The following TAF1B variants were observed in gnomAD, a reference collection of about 807,000 sequenced individuals.
The protein encoded by TAF1B is TATA-box binding protein associated factor, RNA polymerase I subunit B.
A neutral mutation model predicts 83.9 loss-of-function variants in TAF1B; 61 were observed. The observed-to-expected ratio is 0.73, with a 90% CI of 0.59 to 0.90. The LOEUF (loss-of-function observed/expected upper bound fraction) is 0.90, where lower values mean the gene tolerates loss of function less well. TAF1B is among the 40% of genes least tolerant of loss of function. The probability of loss-of-function intolerance (pLI) is 0.00; values close to 1 mark genes in which losing one functional copy is unlikely to be tolerated. For synonymous variants in TAF1B, 221 were observed against 224.6 expected, an observed-to-expected ratio of 0.98 and a Z score of 0.14; for missense variants, 625 against 677.0, an observed-to-expected ratio of 0.92 and a Z score of 0.85.
At chr2:9,867,909 C>A (rs1046587541) in intron 5 of TAF1B, among the ~76,000 whole-genome samples, 1 of 152,066 alleles carries the variant, frequency 6.6e-6, no homozygotes, top group African/African-American at 2.4e-5. Flanking sequence ...AACAAAGATA[C>A]AAAGCAAAAA....
chr2:9,862,500 A>G (rs1663808012), intron 5 of TAF1B, among the ~76,000 whole-genome samples: 1 of 152,256 alleles, frequency 6.6e-6, no homozygotes. Context: ...GGAGAATCGA[A>G]CCAAGTTGGA....
At chr2:9,910,089 T>C (rs563874603) in intron 9 of TAF1B, among the ~76,000 whole-genome samples, 1 of 152,350 alleles carries the variant, frequency 6.6e-6, no homozygotes, top group African/African-American at 2.4e-5. Context: ...TTGTTTAGTT[T>C]TCAAAGTCTA....
chr2:9,859,885 C>T (rs1420424039), intron 5 of TAF1B, among the ~76,000 whole-genome samples: 26 of 152,110 alleles, frequency 1.7e-4, no homozygotes, highest in Admixed American at 1.6e-3. Flanking sequence ...TAGTTTGTTT[C>T]CACACTACTA....
At chr2:9,860,210 G>A (rs1198036407) in intron 5 of TAF1B, among the ~76,000 whole-genome samples, 2 of 152,138 alleles carry the variant, frequency 1.3e-5, no homozygotes, top group Non-Finnish European at 2.9e-5. Context: ...GATTTGGGTG[G>A]GGACACAGAG....
intron 8 of TAF1B, among the ~76,000 whole-genome samples, chr2:9,899,972 T>C (rs111666110): frequency 5.3e-5 from 8 of 152,312 alleles, no homozygotes; most frequent in African/African-American, 1.9e-4. Context: ...GATATGTGTA[T>C]CTAACATAAA....
At chr2:9,870,433 G>A (rs766655577) in intron 6 of TAF1B, among the ~76,000 whole-genome samples, 7 of 152,100 alleles carry the variant, frequency 4.6e-5, no homozygotes, top group African/African-American at 1.2e-4. Flanking sequence ...GCTGTAGTGC[G>A]CTGTGATCAT....
At chr2:9,901,597 T>C (rs911101273) in intron 8 of TAF1B, among the ~76,000 whole-genome samples, 10 of 152,182 alleles carry the variant, frequency 6.6e-5, no homozygotes, top group African/African-American at 2.4e-4. Context: ...TCTAGTGTTT[T>C]GTTTGCAGAT....
intron 12 of TAF1B, among the ~76,000 whole-genome samples, chr2:9,915,402 G>A (rs140394145): frequency 8.5e-5 from 13 of 152,194 alleles, no homozygotes; most frequent in African/African-American, 2.6e-4. Flanking sequence ...TCACATATCC[G>A]TTTAAAGATT....
chr2:9,919,143 T>C, intron 13 of TAF1B, 32 bp downstream of exon 13: 1 of 1,548,704 alleles, frequency 6.5e-7, no homozygotes, highest in East Asian at 2.2e-5. Flanking sequence ...TAATACCAAG[T>C]AGCAACACAG....
At chr2:9,858,864 A>C (rs182791844) in intron 5 of TAF1B, among the ~76,000 whole-genome samples, 1 of 152,026 alleles carries the variant, frequency 6.6e-6, no homozygotes, top group African/African-American at 2.4e-5. Context: ...GGCCCGTAAA[A>C]CCATTTTTCC....
intron 11 of TAF1B, among the ~76,000 whole-genome samples, chr2:9,912,843 G>A (rs1038707640): frequency 6.6e-6 from 1 of 152,210 alleles, no homozygotes; most frequent in African/African-American, 2.4e-5. Context: ...CTCTTCTGTG[G>A]CTGTATGGTC....
intron 8 of TAF1B, 128 bp from the exon 9 acceptor site, chr2:9,904,731 C>T: frequency 2.2e-6 from 2 of 903,910 alleles, no homozygotes; most frequent in Admixed American, 2.8e-5. Flanking sequence ...GTTCCTTTTT[C>T]TGCACAACTT....
At chr2:9,900,920 A>C (rs2125166875) in intron 8 of TAF1B, among the ~76,000 whole-genome samples, 1 of 152,308 alleles carries the variant, frequency 6.6e-6, no homozygotes, top group East Asian at 1.9e-4. Context: ...AATGTTATAA[A>C]TATGGATGTG....
intron 14 of TAF1B, among the ~76,000 whole-genome samples, chr2:9,932,790 A>G (rs1421682035): frequency 2.0e-5 from 3 of 151,328 alleles, no homozygotes; most frequent in Non-Finnish European, 3.0e-5. Context: ...TGTAGTTTAC[A>G]GAGGCAGCAG....
chr2:9,931,522 T>G (rs1209047208), intron 14 of TAF1B, among the ~76,000 whole-genome samples: 4 of 152,232 alleles, frequency 2.6e-5, no homozygotes, highest in African/African-American at 9.6e-5. Context: ...TTGTAGAGTT[T>G]CTGCCGAGAG....
At chr2:9,894,502 AAGTT>A (rs1664960758) in intron 8 of TAF1B, among the ~76,000 whole-genome samples, 2 of 152,220 alleles carry the variant, frequency 1.3e-5, no homozygotes, top group African/African-American at 4.8e-5. Context: ...TCATATGAAA[AAGTT>A]AGCAGTTCAT....
At chr2:9,931,138 C>A (rs1284390593) in intron 14 of TAF1B, among the ~76,000 whole-genome samples, 6 of 152,118 alleles carry the variant, frequency 3.9e-5, no homozygotes, top group Admixed American at 3.9e-4. Context: ...CAGTCTGTGT[C>A]TTTTAATTGG....
In TAF1B at chr2:9,849,441, T is replaced by TAAA; in HGVS notation, c.195_197dup (p.Lys65dup). On this transcript the variant is annotated inframe_insertion, in exon 3 of 15. Transcript: ENST00000263663. ...AAATAAAAGCCCTCAACCGGGGGCT[T>TAAA]AAAAAAAAAAACAATACTGGTAAGT... 3 of 1,230,572 alleles carry TAAA rather than the reference T, an allele frequency of 2.4e-6. No individual in the cohort carries two copies. The highest frequency in any genetic ancestry group is 3.0e-5 in the East Asian group (1 of 33,690). 76.2% of individuals were successfully genotyped at this position (1,230,572 alleles called of 1,614,324 possible).
chr2:9,851,769 TGC>T, intron 4 of TAF1B, 131 bp downstream of exon 4: 1 of 763,646 alleles, frequency 1.3e-6, no homozygotes, highest in Non-Finnish European at 2.1e-6. Flanking sequence ...CTGATGTTTT[TGC>T]TTTAATCCTT....
Sources: allele counts gnomAD v4.1 joint callset (sites outside exome capture counted in the v4.1 genomes callset), GRCh38; gene constraint gnomAD v4.1.1; transcripts MANE v1.5; gene names NCBI Gene and HGNC (gene_info 2026-07-23, HGNC 2026-07-21).